EFEMP1: variants seen among roughly 807,000 people sequenced by gnomAD.
EFEMP1 encodes the protein EGF-containing fibulin-like extracellular matrix protein 1.
A neutral mutation model predicts 65.7 loss-of-function variants in EFEMP1; 18 were observed. The observed-to-expected ratio is 0.27, with a 90% confidence interval of 0.19 to 0.41. The LOEUF (loss-of-function observed/expected upper bound fraction) is 0.41, where lower values mean the gene tolerates loss of function less well. Among genes scored for constraint, EFEMP1 ranks in the 10% least tolerant of loss-of-function variants. The pLI is 1.00. For missense variants in EFEMP1, 469 were observed against 624.8 expected, an observed-to-expected ratio of 0.75 and a Z score of 2.66; for synonymous variants, 237 against 219.7, an observed-to-expected ratio of 1.08 and a Z score of -0.70.
intron 5 of EFEMP1, among the ~76,000 whole-genome samples, chr2:55,894,805 T>C (rs1669753179): frequency 6.6e-6 from 1 of 152,128 alleles, no homozygotes; most frequent in Non-Finnish European, 1.5e-5. Flanking sequence ...TATTAACAAA[T>C]AGGAAAAATG....
Position 55,871,361 on chromosome 2 carries a change from T to C in EFEMP1, c.1001-238A>G, listed in dbSNP as rs148902281. 7.2e-5 allele frequency among the ~76,000 whole-genome samples: 11 copies of C among 152,242 alleles called. No individual in the cohort carries two copies. In the East Asian group the frequency reaches 2.1e-3, roughly 29 times the overall value. On this transcript the variant is annotated intron_variant, in intron 9 of 11. Transcript: ENST00000355426. The surrounding 1 kb of genome is among the most constrained non-coding windows in gnomAD (Gnocchi z 4.2). Reference sequence around the variant, plus strand: ...TCATGATATTTTATCAAGCACCTATTGTTCATCTGTTGAATTCAAACCCCA... The same window carrying C: ...TCATGATATTTTATCAAGCACCTATCGTTCATCTGTTGAATTCAAACCCCA...
intron 5 of EFEMP1, among the ~76,000 whole-genome samples, chr2:55,903,862 G>A (rs1670137523): frequency 1.3e-5 from 2 of 152,030 alleles, no homozygotes; most frequent in African/African-American, 2.4e-5. Flanking sequence ...TACTTTAGGA[G>A]AATCTACTTT....
At chr2:55,913,642 T>G (rs917491710) in intron 5 of EFEMP1, among the ~76,000 whole-genome samples, 1 of 152,024 alleles carries the variant, frequency 6.6e-6, no homozygotes, top group Admixed American at 6.6e-5. Context: ...TCTTAGAAAG[T>G]TATATATGAT....
intron 5 of EFEMP1, among the ~76,000 whole-genome samples, chr2:55,896,017 G>A (rs1369997256): frequency 6.6e-6 from 1 of 152,090 alleles, no homozygotes; most frequent in Non-Finnish European, 1.5e-5. Context: ...ACCAAAGTCT[G>A]GCATTCTCCA....
chr2:55,907,946 T>C (rs976543974), intron 5 of EFEMP1, among the ~76,000 whole-genome samples: 7 of 152,232 alleles, frequency 4.6e-5, no homozygotes, highest in African/African-American at 1.4e-4. Context: ...TATGGCTGTC[T>C]TGGATTCCCT....
intron 5 of EFEMP1, among the ~76,000 whole-genome samples, chr2:55,911,994 G>A (rs185368957): frequency 3.3e-5 from 5 of 152,036 alleles, no homozygotes; most frequent in African/African-American, 7.2e-5. Flanking sequence ...ACACTGCATC[G>A]GCTTATTTGA....
rs1669317367 is a variant in EFEMP1, at chr2:55,883,414, T to C, written c.518-1680A>G. ...TTCTCAGATGCACTTGATGAAAACC[T>C]TTTTACTGGGGTTTCTTCAGAGCTT... On this transcript the variant is annotated intron_variant, in intron 5 of 11. Transcript: ENST00000355426. This position sits in a 1 kb window ranked among gnomAD's most constrained non-coding sequence, Gnocchi z 4.5. 6.6e-6 allele frequency among the ~76,000 whole-genome samples: 1 copy of C among 152,186 alleles called. No homozygotes were observed. The highest frequency in any genetic ancestry group is 1.9e-4 in the East Asian group (1 of 5,204).
rs1668775419 is a variant in EFEMP1 at position 55,870,775 on chromosome 2, G to T, written c.1265C>A (p.Thr422Asn). Residue 422 changes from threonine to asparagine, a missense_variant, in exon 11 of 12, where the codon ACC (threonine) becomes AAC (asparagine). Around this residue, in one of 3 missense-constraint regions of EFEMP1, gnomAD observed 399 missense variants for 528.2 expected, o/e 0.76. Transcript: ENST00000355426. This position sits in a 1 kb window ranked among gnomAD's most constrained non-coding sequence, Gnocchi z 5.8. ...AGATTTAATCCGAAAAGTATTGATG[G>T]TGTTGGCATAAATAGTTGTGGCCTG... ...QIQATTIYANTINTFRIKSGN... is the reference protein window; with the variant it reads ...QIQATTIYANNINTFRIKSGN... 1 of 1,613,680 alleles carries T rather than the reference G, an allele frequency of 6.2e-7. No individual in the cohort carries two copies. Among genetic ancestry groups the T allele is most frequent in the Non-Finnish European group, 8.5e-7 (1 of 1,179,804 alleles).
chr2:55,877,887 C>G lies in EFEMP1; in HGVS notation c.641-22G>C, dbSNP rs1304000859. On this transcript the variant is annotated intron_variant, in intron 6 of 11. Transcript: ENST00000355426. The surrounding 1 kb of genome is among the most constrained non-coding windows in gnomAD (Gnocchi z 4.5). ...ATGTCTAGGTTATCAGGCACACACA[C>G]AAAGAGAACCAAATTATTGAATTAG... The G allele has an allele frequency of 6.2e-7, 1 of 1,611,860 alleles. No individual in the cohort carries two copies. The highest frequency in any genetic ancestry group is 1.7e-5 in the Admixed American group (1 of 59,952).
chr2:55,875,365 C>CACACACACACACAT lies in EFEMP1; in HGVS notation c.881-301_881-300insATGTGTGTGTGTGT, dbSNP rs1457478860. 7.6e-3 allele frequency among the ~76,000 whole-genome samples: 1,040 copies of CACACACACACACAT among 136,896 alleles called. 10 individuals are homozygous for CACACACACACACAT. The highest frequency in any genetic ancestry group is 0.046 in the South Asian group (150 of 3,266). 89.8% of individuals were successfully genotyped at this position (136,896 alleles called of 152,430 possible). A position where few individuals can be genotyped will look rare whatever the true frequency, so the allele number is the denominator to read the frequency against. On this transcript the variant is annotated intron_variant, in intron 8 of 11. Coordinates refer to ENST00000355426, the MANE Select transcript of EFEMP1 (RefSeq NM_001039348.3). ...ACACACACACACACACACACACACA[C>CACACACACACACAT]ATATATATTTTTTTTGTTCTGCTCA... is the stretch of plus-strand genomic sequence containing the variant.
At chr2:55,878,899 G>T (rs555222207) in intron 6 of EFEMP1, among the ~76,000 whole-genome samples, 1 of 152,242 alleles carries the variant, frequency 6.6e-6, no homozygotes, top group African/African-American at 2.4e-5. Context: ...AAACATAAAT[G>T]GGAGCTAATA....
In EFEMP1 at chr2:55,873,760, T is replaced by C. The variant is rs1242852898; in HGVS notation, c.1000+1186A>G. ...CAGTGGTTGGAGTCTAGTCGAAAAA[T>C]TGTGTGCCTATTATAAAATCCCAGG... On this transcript the variant is annotated intron_variant, in intron 9 of 11. Coordinates refer to ENST00000355426, the MANE Select transcript of EFEMP1 (RefSeq NM_001039348.3). This position sits in a 1 kb window ranked among gnomAD's most constrained non-coding sequence, Gnocchi z 4.6. Among the ~76,000 whole-genome samples the C allele has an allele frequency of 1.3e-5, 2 of 151,942 alleles. No individual in the cohort carries two copies. Among genetic ancestry groups the C allele is most frequent in the African/African-American group, 2.4e-5 (1 of 41,398 alleles).
chr2:55,884,034 G>C (rs1018213700), intron 5 of EFEMP1, among the ~76,000 whole-genome samples: 2 of 151,968 alleles, frequency 1.3e-5, no homozygotes, highest in African/African-American at 2.4e-5. Flanking sequence ...TTACTTACTG[G>C]GACTCATAAA....
chr2:55,869,956 T>C (rs1252270736), intron 11 of EFEMP1, among the ~76,000 whole-genome samples: 1 of 151,950 alleles, frequency 6.6e-6, no homozygotes, highest in African/African-American at 2.4e-5. Context: ...ACTGAAGGGA[T>C]CATGGAAGTG....
intron 9 of EFEMP1, among the ~76,000 whole-genome samples, chr2:55,874,547 C>T (rs1197303438): frequency 6.6e-6 from 1 of 152,008 alleles, no homozygotes; most frequent in African/African-American, 2.4e-5. Context: ...ATTTATAATC[C>T]TTGTGTTTTA....
Position 55,866,923 on chromosome 2 carries a change from C to G in EFEMP1, c.*150G>C. The G allele has an allele frequency of 9.7e-7, 1 of 1,027,540 alleles. No homozygotes were observed. Among genetic ancestry groups the G allele is most frequent in the Non-Finnish European group, 1.4e-6 (1 of 696,844 alleles). 63.7% of individuals were successfully genotyped at this position (1,027,540 alleles called of 1,614,324 possible). On this transcript the variant is annotated 3_prime_UTR_variant, in exon 12 of 12. Coordinates refer to ENST00000355426, the MANE Select transcript of EFEMP1 (RefSeq NM_001039348.3). ...TGAATCTTTACATATTAAATGCCCA[C>G]TTTATACCATGGTGTAATTGTTTGA...
chr2:55,871,234 G>T lies in EFEMP1; in HGVS notation c.1001-111C>A. Reference sequence around the variant, plus strand: ...AAGGAAGGAGGTGTGAGAGCATCTGGACTGTGTTCAACCTGCTTTTAGACA... The same window carrying T: ...AAGGAAGGAGGTGTGAGAGCATCTGTACTGTGTTCAACCTGCTTTTAGACA... On this transcript the variant is annotated intron_variant, in intron 9 of 11. Coordinates refer to ENST00000355426, the MANE Select transcript of EFEMP1 (RefSeq NM_001039348.3). This position sits in a 1 kb window ranked among gnomAD's most constrained non-coding sequence, Gnocchi z 4.2. 6.7e-7 allele frequency: 1 copy of T among 1,493,794 alleles called. No individual in the cohort carries two copies. The highest frequency in any genetic ancestry group is 9.2e-7 in the Non-Finnish European group (1 of 1,087,312). 92.5% of individuals were successfully genotyped at this position (1,493,794 alleles called of 1,614,324 possible).
At chr2:55,918,356 T>C (rs573962290) in intron 3 of EFEMP1, 89 bp from the exon 4 acceptor site, 7 of 1,441,362 alleles carry the variant, frequency 4.9e-6, no homozygotes, top group African/African-American at 4.2e-5. Context: ...TTCATTCTTA[T>C]GGCAACAATC....
In EFEMP1 at chr2:55,886,897, A is replaced by C. The variant is rs1277183727; in HGVS notation, c.518-5163T>G. Among the ~76,000 whole-genome samples, 1 of 152,164 alleles carries C rather than the reference A, an allele frequency of 6.6e-6. No individual in the cohort carries two copies. The highest frequency in any genetic ancestry group is 2.4e-5 in the African/African-American group (1 of 41,452). On this transcript the variant is annotated intron_variant, in intron 5 of 11. Coordinates refer to ENST00000355426, the MANE Select transcript of EFEMP1 (RefSeq NM_001039348.3). The surrounding 1 kb of genome is among the most constrained non-coding windows in gnomAD (Gnocchi z 4.0). ...TCCAGTATTTGCTATTGATAATGATAACCTGAGTAATTAATATAATAAATT... is the reference window on the plus strand; with the variant it reads ...TCCAGTATTTGCTATTGATAATGATCACCTGAGTAATTAATATAATAAATT...
Sources: gnomAD v4.1 joint callset for allele counts (sites outside exome capture counted in the v4.1 genomes callset) on GRCh38, gnomAD v4.1.1 for gene constraint, gnomAD v4.1.1 regional missense constraint, Gnocchi (gnomAD v3.1) non-coding constraint, MANE v1.5 for transcripts, NCBI Gene and HGNC (gene_info 2026-07-23, HGNC 2026-07-21) for gene names.